PRH1: variants seen among roughly 807,000 people sequenced by gnomAD.
PRH1 encodes salivary acidic proline-rich phosphoprotein 1/2.
In PRH1, 7 loss-of-function variants were observed where a neutral mutation model predicts 7.9. The observed-to-expected ratio is 0.89, with a 90% CI of 0.50 to 1.67. PRH1 has a LOEUF of 1.67. PRH1 is among the 40% of genes most tolerant of loss of function. PRH1 has a pLI of 0.00. For missense variants in PRH1, 109 were observed against 223.6 expected (o/e 0.49, Z 3.27); for synonymous variants, 45 against 80.8 (o/e 0.56, Z 2.38).
At chr12:10,949,688 T>G (rs1409685759) in intron 2 of PRH1, among the ~76,000 whole-genome samples, 1 of 152,100 alleles carries the variant, frequency 6.6e-6, no homozygotes, top group Non-Finnish European at 1.5e-5. Flanking sequence ...TTGTCGAACA[T>G]AACATAGTTA....
chr12:10,886,759 T>C (rs1372073485), upstream of PRH1, among the ~76,000 whole-genome samples: 1 of 152,196 alleles, frequency 6.6e-6, no homozygotes, highest in Non-Finnish European at 1.5e-5. Flanking sequence ...CACTGACAGG[T>C]GTTTACCTAG....
intron 1 of PRH1, among the ~76,000 whole-genome samples, chr12:11,027,007 G>A (rs1276602090): frequency 1.3e-5 from 2 of 152,230 alleles, no homozygotes; most frequent in Non-Finnish European, 2.9e-5. Context: ...GCACATGACT[G>A]TAATCCCATC....
At chr12:11,128,098 G>A (rs370017858) in intron 1 of PRH1, among the ~76,000 whole-genome samples, 1 of 125,940 alleles carries the variant, frequency 7.9e-6, no homozygotes, top group South Asian at 2.4e-4. Flanking sequence ...GCGACAGAGC[G>A]AGACTCAGTC....
At chr12:11,133,071 T>G in intron 1 of PRH1, 1 of 553,702 alleles carries the variant, frequency 1.8e-6, no homozygotes, top group Non-Finnish European at 2.8e-6. Flanking sequence ...GCAGTTTTTG[T>G]GAAAAAACAA....
At position 11,079,754 on chromosome 12, in the gene PRH1, G is replaced by T. The variant is rs1206946470; in HGVS notation, n.124-32566C>A. ...AAAACCTATTGAAAAATCTGGGATT[G>T]GCAGGTAACATCATGTCAAGTTTCA... On this transcript the variant is annotated intron_variant and non_coding_transcript_variant, in intron 1 of 4. Transcript: ENST00000541977. 6.0e-5 allele frequency among the ~76,000 whole-genome samples: 7 copies of T among 117,060 alleles called. 2 individuals carry two copies. The highest frequency in any genetic ancestry group is 1.4e-4 in the Non-Finnish European group (7 of 49,296). The allele number at this position is 117,060 out of a possible 152,430, so 76.8% of individuals were successfully genotyped here. A position where few individuals can be genotyped will look rare whatever the true frequency, so the allele number is the denominator to read the frequency against.
intron 1 of PRH1, among the ~76,000 whole-genome samples, chr12:11,074,222 A>G (rs1944203028): frequency 6.9e-6 from 1 of 144,328 alleles, no homozygotes; most frequent in South Asian, 2.2e-4. Context: ...AATTAAAAAG[A>G]GCACAGTCTG....
At chr12:11,104,412 C>G (rs933815691) in intron 1 of PRH1, among the ~76,000 whole-genome samples, 2 of 135,884 alleles carry the variant, frequency 1.5e-5, no homozygotes, top group African/African-American at 5.1e-5. Context: ...AATGAGATTA[C>G]AGTAAATGTA....
chr12:11,136,984 C>A (rs1293249127), intron 1 of PRH1, among the ~76,000 whole-genome samples: 1 of 152,128 alleles, frequency 6.6e-6, no homozygotes, highest in Non-Finnish European at 1.5e-5. Context: ...ATACAAAGGT[C>A]ACAGAAGAGA....
chr12:10,928,725 G>T (rs1172494499), intron 2 of PRH1, among the ~76,000 whole-genome samples: 1 of 152,122 alleles, frequency 6.6e-6, no homozygotes, highest in Non-Finnish European at 1.5e-5. Context: ...TAAGCAGAAA[G>T]CATCTCTATT....
At chr12:10,994,885 T>C (rs765676059) in intron 1 of PRH1, among the ~76,000 whole-genome samples, 1 of 152,216 alleles carries the variant, frequency 6.6e-6, no homozygotes, top group Non-Finnish European at 1.5e-5. Context: ...AGAAAAGATA[T>C]GTGCACTTAT....
At position 10,903,764 on chromosome 12, in the gene PRH1, A is replaced by G. The variant is rs192597107; in HGVS notation, c.-58-19489T>C. Reference sequence around the variant, plus strand: ...TATCTCTTTGCTGATGTGAATCCATACATACAAAACCCTAAAGACTCTGCC... The same window carrying G: ...TATCTCTTTGCTGATGTGAATCCATGCATACAAAACCCTAAAGACTCTGCC... On this transcript the variant is annotated intron_variant, in intron 2 of 3. Transcript: ENST00000539853. Among the ~76,000 whole-genome samples, 11 of 151,826 alleles carry G rather than the reference A, an allele frequency of 7.2e-5. No individual in the cohort carries two copies. The East Asian group carries it at 2.1e-3, about 29-fold the overall frequency.
chr12:11,104,180 G>GT (rs1324391382), intron 1 of PRH1, among the ~76,000 whole-genome samples: 5 of 64,282 alleles, frequency 7.8e-5, no homozygotes, highest in East Asian at 7.3e-4. Context: ...AAATGAAAGA[G>GT]TAAAAAAAAA....
rs1230492401 is a variant in PRH1, at chr12:11,032,928, A to G, written c.-126+14092T>C. On this transcript the variant is annotated intron_variant, in intron 1 of 3. Transcript: ENST00000539853. ...CTGGGGATTCTTCTTCTTTCCATTT[A>G]CCATAAGAGTATGGCCTATCTAGTA... Among the ~76,000 whole-genome samples the G allele has an allele frequency of 5.3e-5, 8 of 152,202 alleles. No individual in the cohort carries two copies. The East Asian group carries it at 1.5e-3, about 29-fold the overall frequency.
chr12:11,062,106 T>A lies in PRH1; in HGVS notation n.124-14918A>T, dbSNP rs374434347. Reference sequence around the variant, plus strand: ...TCAACTCAGTTGCATACCAATTTAATACTAATACCCAGAGTAAACCAACTC... The same window carrying A: ...TCAACTCAGTTGCATACCAATTTAAAACTAATACCCAGAGTAAACCAACTC... On this transcript the variant is annotated intron_variant and non_coding_transcript_variant, in intron 1 of 4. Transcript: ENST00000541977. The A allele has an allele frequency of 2.5e-6, 4 of 1,613,556 alleles. No homozygotes were observed. In the South Asian group the frequency reaches 4.4e-5, roughly 18 times the overall value.
intron 1 of PRH1, among the ~76,000 whole-genome samples, chr12:11,044,687 A>G (rs1371506665): frequency 6.6e-6 from 1 of 152,200 alleles, no homozygotes; most frequent in East Asian, 1.9e-4. Flanking sequence ...AAACACACAT[A>G]TGAAAAGGTG....
chr12:11,083,937 G>GTATAGTGTTCTATTGTA (rs1311213420), intron 1 of PRH1, among the ~76,000 whole-genome samples: 12 of 74,120 alleles, frequency 1.6e-4, no homozygotes, highest in Admixed American at 2.8e-4. Flanking sequence ...TGGTTCTGCT[G>GTATAGTGTTCTATTGTA]GGACAATTAA....
intron 1 of PRH1, among the ~76,000 whole-genome samples, chr12:11,101,282 G>A (rs1945239321): frequency 6.6e-6 from 1 of 152,168 alleles, no homozygotes; most frequent in Non-Finnish European, 1.5e-5. Flanking sequence ...AAGCACAGGA[G>A]TTCAAGACCT....
rs373664200 is a variant in PRH1, at chr12:10,919,198, T to C, written c.-58-34923A>G. On this transcript the variant is annotated intron_variant, in intron 2 of 3. Coordinates refer to the PRH1 transcript ENST00000539853. ...AATATTGTTGTTACAATACTAATTATTGCAGGGTTAATTTTTCTTCACATA... is the reference window on the plus strand; with the variant it reads ...AATATTGTTGTTACAATACTAATTACTGCAGGGTTAATTTTTCTTCACATA... Among the ~76,000 whole-genome samples, 16 of 152,302 alleles carry C rather than the reference T, an allele frequency of 1.1e-4. No individual in the cohort carries two copies. The East Asian group carries it at 1.2e-3, about 11-fold the overall frequency.
intron 1 of PRH1, among the ~76,000 whole-genome samples, chr12:11,099,549 TAGGTGGGCTCAGTGG>T (rs1945169079): frequency 1.3e-5 from 2 of 151,982 alleles, no homozygotes; most frequent in South Asian, 4.2e-4. Flanking sequence ...ATACAAAAAT[TAGGTGGGCTCAGTGG>T]AGTGTGCCTG....
Sources: allele counts gnomAD v4.1 joint callset (sites outside exome capture counted in the v4.1 genomes callset), GRCh38; gene constraint gnomAD v4.1.1; transcripts MANE v1.5; gene names NCBI Gene and HGNC (gene_info 2026-07-23, HGNC 2026-07-21).